RGS6: variants seen among roughly 807,000 people sequenced by gnomAD.
RGS6 encodes the protein regulator of G protein signaling 6.
In RGS6, 30 loss-of-function variants were observed where a neutral mutation model predicts 78.5. That is an observed-to-expected ratio of 0.38 (90% CI 0.29 to 0.52). The LOEUF (loss-of-function observed/expected upper bound fraction) is 0.52, where lower values mean the gene tolerates loss of function less well. RGS6 is among the 20% of genes least tolerant of loss of function. RGS6 has a pLI of 0.85. For synonymous variants in RGS6, 206 were observed against 206.0 expected (o/e 1.00, Z 0.00); for missense variants, 495 against 609.7 (o/e 0.81, Z 1.98).
intron 2 of RGS6, among the ~76,000 whole-genome samples, chr14:72,071,420 G>A (rs1029985765): frequency 6.6e-6 from 1 of 152,172 alleles, no homozygotes; most frequent in Non-Finnish European, 1.5e-5. Flanking sequence ...ATTCCTGGGG[G>A]TAGAATTGAT....
intron 3 of RGS6, among the ~76,000 whole-genome samples, chr14:72,367,133 AC>A (rs752330235): frequency 6.6e-6 from 1 of 152,158 alleles, no homozygotes; most frequent in Non-Finnish European, 1.5e-5. Context: ...ACCATTGCAA[AC>A]TGTTCCCATG....
intron 13 of RGS6, among the ~76,000 whole-genome samples, chr14:72,504,804 A>C (rs2096775946): frequency 6.8e-6 from 1 of 147,858 alleles, no homozygotes. Flanking sequence ...CCCAGGCTGG[A>C]GTGCAGTGTC....
intron 12 of RGS6, among the ~76,000 whole-genome samples, chr14:72,483,931 CTTTTTA>C (rs1454426346): frequency 6.6e-6 from 1 of 151,470 alleles, no homozygotes; most frequent in Non-Finnish European, 1.5e-5. Flanking sequence ...AAGGAGTTCT[CTTTTTA>C]TATTTTCCCT....
intron 17 of RGS6, among the ~76,000 whole-genome samples, chr14:72,558,378 C>T (rs2097615914): frequency 6.6e-6 from 1 of 152,170 alleles, no homozygotes; most frequent in Non-Finnish European, 1.5e-5. Flanking sequence ...CCCAGGGCTA[C>T]TCTCTGAGCC....
chr14:72,276,220 T>G (rs1245802349), intron 2 of RGS6, among the ~76,000 whole-genome samples: 2 of 152,162 alleles, frequency 1.3e-5, no homozygotes, highest in Admixed American at 6.5e-5. Flanking sequence ...CTTACTCCCA[T>G]ACACTGAACA....
the RGS6 span, among the ~76,000 whole-genome samples, chr14:71,881,729 G>C: frequency 6.6e-6 from 1 of 152,150 alleles, no homozygotes; most frequent in African/African-American, 2.4e-5. Flanking sequence ...TATCAGCAGT[G>C]TGAGAATGGA....
At chr14:72,016,063 A>G (rs550269852) in intron 2 of RGS6, among the ~76,000 whole-genome samples, 3 of 152,162 alleles carry the variant, frequency 2.0e-5, no homozygotes, top group African/African-American at 7.2e-5. Flanking sequence ...TAATGTAATC[A>G]TATTTATCCA....
At chr14:72,096,485 G>A (rs2095411027) in intron 2 of RGS6, among the ~76,000 whole-genome samples, 1 of 152,118 alleles carries the variant, frequency 6.6e-6, no homozygotes, top group Non-Finnish European at 1.5e-5. Flanking sequence ...TACACAGGTG[G>A]AAAAGACTCT....
the RGS6 span, among the ~76,000 whole-genome samples, chr14:71,916,449 A>T: frequency 6.6e-6 from 1 of 151,306 alleles, no homozygotes; most frequent in Non-Finnish European, 1.5e-5. Flanking sequence ...TCTGTGCTTT[A>T]TAAATCCAGG....
the RGS6 span, among the ~76,000 whole-genome samples, chr14:72,591,948 G>A: frequency 6.6e-6 from 1 of 152,102 alleles, no homozygotes; most frequent in Non-Finnish European, 1.5e-5. Flanking sequence ...CTTCCGTCAT[G>A]CTAAAACCAA....
chr14:72,213,940 A>C (rs2044834476), intron 2 of RGS6, among the ~76,000 whole-genome samples: 1 of 152,126 alleles, frequency 6.6e-6, no homozygotes, highest in Non-Finnish European at 1.5e-5. Flanking sequence ...TTTCTTGATG[A>C]CCTAGCTTCA....
chr14:72,474,787 A>G (rs1458953325), intron 10 of RGS6, 88 bp downstream of exon 10: 3 of 1,041,524 alleles, frequency 2.9e-6, no homozygotes, highest in East Asian at 5.2e-5. Context: ...GCTACTTGTA[A>G]TTCTACCACC....
chr14:72,286,375 T>C (rs2062553948), intron 2 of RGS6, among the ~76,000 whole-genome samples: 2 of 152,220 alleles, frequency 1.3e-5, no homozygotes, highest in Non-Finnish European at 2.9e-5. Flanking sequence ...TATATGTCTG[T>C]CTTTACGCCA....
intron 2 of RGS6, among the ~76,000 whole-genome samples, chr14:72,050,628 G>A (rs544011929): frequency 6.6e-6 from 1 of 152,188 alleles, no homozygotes; most frequent in Non-Finnish European, 1.5e-5. Flanking sequence ...GGACAGAGGG[G>A]AAAGGAGATG....
intron 15 of RGS6, among the ~76,000 whole-genome samples, chr14:72,534,059 C>T (rs977771071): frequency 8.5e-5 from 13 of 152,244 alleles, no homozygotes; most frequent in Admixed American, 4.6e-4. Flanking sequence ...AAATCTGTTG[C>T]GAAAGGAAGA....
chr14:72,124,402 A>G (rs2096135790), intron 2 of RGS6, among the ~76,000 whole-genome samples: 1 of 152,206 alleles, frequency 6.6e-6, no homozygotes, highest in Admixed American at 6.5e-5. Flanking sequence ...ACAGGAAAGC[A>G]GGGCAACGAA....
chr14:72,528,101 C>T (rs1330801520), intron 15 of RGS6, among the ~76,000 whole-genome samples: 3 of 152,056 alleles, frequency 2.0e-5, no homozygotes, highest in African/African-American at 7.2e-5. Flanking sequence ...TGCTTGTGGC[C>T]CAGGGCCCCA....
chr14:72,199,451 A>G (rs978679378), intron 2 of RGS6, among the ~76,000 whole-genome samples: 5 of 152,230 alleles, frequency 3.3e-5, no homozygotes, highest in Non-Finnish European at 7.3e-5. Flanking sequence ...CAACAGTCCA[A>G]GAGATTTTAT....
chr14:72,413,321 A>G (rs1003439799), intron 3 of RGS6, among the ~76,000 whole-genome samples: 1 of 152,216 alleles, frequency 6.6e-6, no homozygotes, highest in African/African-American at 2.4e-5. Flanking sequence ...AGCATTATGT[A>G]ATAGCCTTCT....
Sources: allele counts gnomAD v4.1 joint callset (sites outside exome capture counted in the v4.1 genomes callset), GRCh38; gene constraint gnomAD v4.1.1; transcripts MANE v1.5; gene names NCBI Gene and HGNC (gene_info 2026-07-23, HGNC 2026-07-21).